The following CAST variants were observed in gnomAD, a reference collection of about 807,000 sequenced individuals.
The protein encoded by CAST is MIR583 host.
A neutral mutation model predicts 119.6 loss-of-function variants in CAST; 76 were observed. That is an observed-to-expected ratio of 0.64 (90% CI 0.53 to 0.77). The LOEUF is 0.77. Among genes scored for constraint, CAST ranks in the 30% least tolerant of loss-of-function variants. The pLI is 0.00. For synonymous variants in CAST, 319 were observed against 331.6 expected (o/e 0.96, Z 0.41); for missense variants, 953 against 946.5 (o/e 1.01, Z -0.09).
At chr5:96,539,184 G>A (rs1040420455) in intron 1 of CAST, among the ~76,000 whole-genome samples, 2 of 152,060 alleles carry the variant, frequency 1.3e-5, no homozygotes, top group Non-Finnish European at 2.9e-5. Flanking sequence ...CAAAGTTCAG[G>A]GATATAGTGA....
At chr5:96,310,773 C>G in the CAST span, among the ~76,000 whole-genome samples, 2 of 148,880 alleles carry the variant, frequency 1.3e-5, no homozygotes, top group East Asian at 3.9e-4. Context: ...ATAATATCTC[C>G]TCTTTCATTT....
At chr5:96,259,020 A>G in the CAST span, among the ~76,000 whole-genome samples, 1 of 152,256 alleles carries the variant, frequency 6.6e-6, no homozygotes, top group Non-Finnish European at 1.5e-5. Flanking sequence ...AATGGAAGAT[A>G]TGAGAGGTGA....
At chr5:96,078,153 C>A in the CAST span, among the ~76,000 whole-genome samples, 61 of 152,166 alleles carry the variant, frequency 4.0e-4, no homozygotes, top group Non-Finnish European at 7.1e-4. Flanking sequence ...GGTACTAATT[C>A]CATCGTGACA....
At chr5:96,275,457 T>C in the CAST span, among the ~76,000 whole-genome samples, 3 of 152,216 alleles carry the variant, frequency 2.0e-5, no homozygotes, top group Non-Finnish European at 2.9e-5. Context: ...GTTGTTGGAA[T>C]GTCATCCAGT....
At chr5:96,443,864 C>T in the CAST span, among the ~76,000 whole-genome samples, 8 of 152,194 alleles carry the variant, frequency 5.3e-5, no homozygotes, top group African/African-American at 1.4e-4. Flanking sequence ...GTCTCAACTA[C>T]ATGCATATTT....
Position 96,630,011 on chromosome 5 carries a change from G to T in CAST, c.61-45528G>T, listed in dbSNP as rs1056128945. ...GCAATTCCAGGCCACTTCTGGGCCT[G>T]CCTGTAACCTGAGAAGGCTTGAGAT... is the stretch of plus-strand genomic sequence containing the variant. On this transcript the variant is annotated intron_variant, in intron 1 of 11. Coordinates refer to the CAST transcript ENST00000505143. 2.0e-5 allele frequency among the ~76,000 whole-genome samples: 3 copies of T among 152,180 alleles called. No homozygotes were observed. In the East Asian group the frequency reaches 5.8e-4, roughly 29 times the overall value.
At chr5:96,491,490 CAAAAAAAAAAAAAA>C in the CAST span, among the ~76,000 whole-genome samples, 114 of 56,802 alleles carry the variant, frequency 2.0e-3, 3 homozygotes, top group East Asian at 4.3e-3. Context: ...GACTCCATCT[CAAAAAAAAAAAAAA>C]AAAAAAAAAA....
intron 1 of CAST, among the ~76,000 whole-genome samples, chr5:96,538,196 A>G (rs1346772264): frequency 6.6e-6 from 1 of 152,148 alleles, no homozygotes; most frequent in Admixed American, 6.5e-5. Context: ...TCAAACCTCC[A>G]CATAGGTTAT....
chr5:96,593,017 G>A (rs1175716462), intron 1 of CAST, among the ~76,000 whole-genome samples: 6 of 152,074 alleles, frequency 3.9e-5, no homozygotes, highest in Admixed American at 2.6e-4. Context: ...CGCCCGCCTC[G>A]GCCTCCCAAA....
chr5:96,089,580 T>A, the CAST span, among the ~76,000 whole-genome samples: 1 of 152,212 alleles, frequency 6.6e-6, no homozygotes, highest in African/African-American at 2.4e-5. Flanking sequence ...ATTTCTATGA[T>A]GTACTAGTTA....
the CAST span, among the ~76,000 whole-genome samples, chr5:96,052,580 G>A: frequency 6.6e-6 from 1 of 152,182 alleles, no homozygotes; most frequent in East Asian, 1.9e-4. Flanking sequence ...TGCCAACACT[G>A]GTGATTATCA....
At chr5:96,239,532 G>C in the CAST span, among the ~76,000 whole-genome samples, 1 of 151,900 alleles carries the variant, frequency 6.6e-6, no homozygotes, top group Admixed American at 6.6e-5. Flanking sequence ...CATGCATGTA[G>C]TACTCATTCT....
rs1391255586 is a variant in CAST at position 96,563,320 on chromosome 5, T to C, written c.60+33440T>C. Among the ~76,000 whole-genome samples the C allele has an allele frequency of 2.0e-5, 3 of 152,214 alleles. No individual in the cohort carries two copies. In the East Asian group the frequency reaches 5.8e-4, roughly 29 times the overall value. On this transcript the variant is annotated intron_variant, in intron 1 of 11. Transcript: ENST00000505143. ...TATTATTTTCTCTTGCTAATCTGTC[T>C]TTTGTCATATGGTTCTCGGCCATGG... is the stretch of plus-strand genomic sequence containing the variant.
the CAST span, among the ~76,000 whole-genome samples, chr5:96,312,967 G>A: frequency 6.6e-6 from 1 of 152,040 alleles, no homozygotes; most frequent in Admixed American, 6.5e-5. Flanking sequence ...ACATACTATG[G>A]ATGTTGTAGT....
At chr5:96,548,553 G>A (rs918687832) in intron 1 of CAST, among the ~76,000 whole-genome samples, 1 of 152,042 alleles carries the variant, frequency 6.6e-6, no homozygotes, top group African/African-American at 2.4e-5. Context: ...GTGTTTGGCT[G>A]TTAAGTGCTG....
At chr5:96,597,758 A>G (rs1179168802) in intron 1 of CAST, among the ~76,000 whole-genome samples, 1 of 152,192 alleles carries the variant, frequency 6.6e-6, no homozygotes, top group Admixed American at 6.5e-5. Flanking sequence ...ATGCAAGGAC[A>G]TTCATATATG....
intron 2 of CAST, among the ~76,000 whole-genome samples, chr5:96,689,056 TA>T (rs1334837249): frequency 2.0e-5 from 3 of 152,070 alleles, no homozygotes; most frequent in Non-Finnish European, 4.4e-5. Context: ...ACCTCTTAAA[TA>T]CAGACAGAAA....
chr5:96,402,063 C>T, the CAST span, among the ~76,000 whole-genome samples: 3 of 152,170 alleles, frequency 2.0e-5, no homozygotes, highest in South Asian at 6.2e-4. Context: ...TCTCAGCACT[C>T]GGTTGGAGAA....
At chr5:96,190,016 G>A in the CAST span, among the ~76,000 whole-genome samples, 1 of 152,160 alleles carries the variant, frequency 6.6e-6, no homozygotes, top group Non-Finnish European at 1.5e-5. Flanking sequence ...TAGAATAAAT[G>A]TTTAGATTGA....
Sources: allele counts gnomAD v4.1 joint callset (sites outside exome capture counted in the v4.1 genomes callset), GRCh38; gene constraint gnomAD v4.1.1; transcripts MANE v1.5; gene names NCBI Gene and HGNC (gene_info 2026-07-23, HGNC 2026-07-21).